The following ABCB5 variants were observed in gnomAD, a reference collection of about 807,000 sequenced individuals.
The protein encoded by ABCB5 is ATP binding cassette subfamily B member 5.
A neutral mutation model predicts 144.2 loss-of-function variants in ABCB5; 155 were observed. The ratio of observed to expected loss-of-function variants is 1.08; its 90% CI spans 0.94 to 1.23. ABCB5 has a LOEUF of 1.23. Ranked by LOEUF, ABCB5 falls within the 50% of genes most tolerant of loss-of-function variation. The probability of loss-of-function intolerance (pLI) is 0.00; values close to 1 mark genes in which losing one functional copy is unlikely to be tolerated. For missense variants in ABCB5, 1,830 were observed against 1,520.8 expected, an observed-to-expected ratio of 1.20 and a Z score of -3.38; for synonymous variants, 610 against 528.6, an observed-to-expected ratio of 1.15 and a Z score of -2.11.
At position 20,756,720 on chromosome 7, in the gene ABCB5, T is replaced by C. The variant is rs987186050; in HGVS notation, c.*1096T>C. On this transcript the variant is annotated 3_prime_UTR_variant, in exon 28 of 28. Transcript: ENST00000404938. ...CTTTCTCTATAATAAAATAATTTCC[T>C]TAAATTTTATATATACTTTATCATA... is the stretch of plus-strand genomic sequence containing the variant. 6.6e-6 allele frequency: 1 copy of C among 152,204 alleles called. No individual in the cohort carries two copies. Among genetic ancestry groups the C allele is most frequent in the African/African-American group, 2.4e-5 (1 of 41,450 alleles). 9.4% of individuals were successfully genotyped at this position (152,204 alleles called of 1,614,324 possible).
At chr7:20,637,557 A>G (rs769479102) in intron 5 of ABCB5, among the ~76,000 whole-genome samples, 2 of 151,808 alleles carry the variant, frequency 1.3e-5, no homozygotes, top group Non-Finnish European at 2.9e-5. Context: ...AGTAGCTGGG[A>G]ATACAAGCAT....
rs1785882924 is a variant in ABCB5, at chr7:20,683,179, T to C, written c.1869+1513T>C. 2.0e-5 allele frequency among the ~76,000 whole-genome samples: 3 copies of C among 152,260 alleles called. No homozygotes were observed. The South Asian group carries it at 6.2e-4, about 32-fold the overall frequency. On this transcript the variant is annotated intron_variant, in intron 15 of 27. Transcript: ENST00000404938. ...AACTTCAAATTTCAAACCCTAACTT[T>C]CTCCATTGTGCTAAAATGAAATATT... is the stretch of plus-strand genomic sequence containing the variant.
At chr7:20,677,770 C>T (rs1388855552) in intron 14 of ABCB5, among the ~76,000 whole-genome samples, 3 of 152,112 alleles carry the variant, frequency 2.0e-5, no homozygotes, top group Admixed American at 6.5e-5. Context: ...GTACCCTTTG[C>T]CCCTCTTTCT....
chr7:20,701,203 A>G (rs1251867932), intron 19 of ABCB5, among the ~76,000 whole-genome samples: 2 of 152,166 alleles, frequency 1.3e-5, no homozygotes, highest in African/African-American at 4.8e-5. Flanking sequence ...GCCAGCACAT[A>G]CCTCTCATGT....
intron 2 of ABCB5, among the ~76,000 whole-genome samples, chr7:20,625,863 C>T (rs1460493474): frequency 1.3e-5 from 2 of 152,142 alleles, no homozygotes; most frequent in Non-Finnish European, 2.9e-5. Flanking sequence ...TTCCTAACAG[C>T]GTTACTAGGA....
intron 1 of ABCB5, among the ~76,000 whole-genome samples, chr7:20,619,594 C>T (rs1463032277): frequency 6.6e-6 from 1 of 151,990 alleles, no homozygotes; most frequent in African/African-American, 2.4e-5. Context: ...TTGTAGGATG[C>T]AGAGTTTGCA....
intron 13 of ABCB5, among the ~76,000 whole-genome samples, chr7:20,657,292 C>A (rs1784839698): frequency 6.6e-6 from 1 of 151,354 alleles, no homozygotes; most frequent in Admixed American, 6.6e-5. Context: ...AATTTTTTAG[C>A]AATATTGCAT....
chr7:20,698,591 GA>G (rs761611170), intron 17 of ABCB5, 41 bp downstream of exon 17: 143 of 1,542,650 alleles, frequency 9.3e-5, no homozygotes, highest in Non-Finnish European at 1.2e-4. Context: ...GCAATTTAAA[GA>G]AAGTATGACC....
chr7:20,673,296 C>G (rs10275105), intron 14 of ABCB5, among the ~76,000 whole-genome samples: 137,763 of 152,078 alleles, frequency 0.91, 62,580 homozygotes, highest in East Asian at 1. Flanking sequence ...TTGGTTGATA[C>G]TATTATTCAT....
At chr7:20,630,592 G>C (rs932948505) in intron 4 of ABCB5, among the ~76,000 whole-genome samples, 1 of 152,074 alleles carries the variant, frequency 6.6e-6, no homozygotes, top group African/African-American at 2.4e-5. Flanking sequence ...ATATATTAAT[G>C]ATGTAAATTG....
rs561018517 is a variant in ABCB5, at chr7:20,635,201, T to C, written c.314+3088T>C. Among the ~76,000 whole-genome samples, 31 of 152,222 alleles carry C rather than the reference T, an allele frequency of 2.0e-4. 1 individual carries two copies. The South Asian group carries it at 6.0e-3, about 30-fold the overall frequency. ...ATGTTTTTGTTGGCTTTGTTGAAGG[T>C]CAATTAGTTGTAGGTATGTGGCTTT... On this transcript the variant is annotated intron_variant, in intron 5 of 27. Coordinates refer to ENST00000404938, the MANE Select transcript of ABCB5 (RefSeq NM_001163941.2).
intron 16 of ABCB5, among the ~76,000 whole-genome samples, chr7:20,696,258 T>C (rs142964309): frequency 5.9e-4 from 90 of 152,226 alleles, no homozygotes; most frequent in African/African-American, 1.9e-3. Context: ...TGCTGATTTA[T>C]GCCGCAGCAT....
At chr7:20,726,328 A>G (rs1051102328) in intron 21 of ABCB5, among the ~76,000 whole-genome samples, 3 of 149,274 alleles carry the variant, frequency 2.0e-5, no homozygotes, top group African/African-American at 7.4e-5. Flanking sequence ...CTAGAATAAA[A>G]TAATTATGTG....
intron 20 of ABCB5, among the ~76,000 whole-genome samples, chr7:20,711,798 T>C (rs75273530): frequency 0.57 from 49,026 of 85,830 alleles, 15,728 homozygotes; most frequent in East Asian, 0.76. Context: ...CTTTCTTTCT[T>C]TCTTTCTTTC....
Position 20,755,550 on chromosome 7 carries a change from C to G in ABCB5, c.3700C>G (p.Gln1234Glu), listed in dbSNP as rs1282873232. ...TCTGCACAATGGAAAGATAAAGGAA[C>G]AAGGAACTCATCAAGAGCTCCTGAG... is the stretch of plus-strand genomic sequence containing the variant. Reference protein sequence around the residue: ...VVLHNGKIKEQGTHQELLRNR... With the variant: ...VVLHNGKIKEEGTHQELLRNR... Residue 1234 changes from glutamine to glutamate, a missense_variant, in exon 28 of 28, where the codon CAA becomes GAA. Transcript: ENST00000404938. 1.3e-5 allele frequency: 21 copies of G among 1,614,016 alleles called. No homozygotes were observed. The highest frequency in any genetic ancestry group is 1.8e-5 in the Non-Finnish European group (21 of 1,180,018).
intron 15 of ABCB5, among the ~76,000 whole-genome samples, chr7:20,682,575 T>A (rs1785864625): frequency 6.6e-6 from 1 of 152,062 alleles, no homozygotes; most frequent in African/African-American, 2.4e-5. Context: ...TTATGAGTGT[T>A]GAGGGTATAA....
rs1380763853 is a variant in ABCB5, at chr7:20,742,916, T to G, written c.3064T>G (p.Phe1022Val). Residue 1022 changes from phenylalanine to valine, a missense_variant, in exon 25 of 28, where the codon TTC (phenylalanine) becomes GTC (valine). By Grantham distance (50) the Phe-to-Val change is conservative. Coordinates refer to ENST00000404938, the MANE Select transcript of ABCB5 (RefSeq NM_001163941.2). The part of the protein sequence containing the change: ...EGNLEFREVS[F>V]FYPCRPDVFI... ...GAATTTAGAGTTTCGAGAAGTCTCT[T>G]TCTTCTATCCATGTCGCCCAGATGT... is the stretch of plus-strand genomic sequence containing the variant. 1 of 1,614,096 alleles carries G rather than the reference T, an allele frequency of 6.2e-7. No homozygotes were observed. Among genetic ancestry groups the G allele is most frequent in the African/African-American group, 1.3e-5 (1 of 74,922 alleles).
At chr7:20,734,962 C>T (rs55668814) in intron 23 of ABCB5, among the ~76,000 whole-genome samples, 2 of 152,008 alleles carry the variant, frequency 1.3e-5, no homozygotes, top group Admixed American at 6.5e-5. Context: ...TAGTCCCTTT[C>T]GGCTGGTTTC....
At chr7:20,653,571 G>A (rs1434206310) in intron 13 of ABCB5, among the ~76,000 whole-genome samples, 2 of 152,204 alleles carry the variant, frequency 1.3e-5, no homozygotes, top group African/African-American at 2.4e-5. Context: ...TTGGATGAGA[G>A]GTAATGAAAG....
Sources: gnomAD v4.1 joint callset for allele counts (sites outside exome capture counted in the v4.1 genomes callset) on GRCh38, gnomAD v4.1.1 for gene constraint, MANE v1.5 for transcripts, NCBI Gene and HGNC (gene_info 2026-07-23, HGNC 2026-07-21) for gene names.